The following COL23A1 variants were observed in gnomAD, a reference collection of about 807,000 sequenced individuals.
COL23A1 encodes collagen type XXIII alpha 1 chain.
In COL23A1, 97 loss-of-function variants were observed where a neutral mutation model predicts 99.3. That is an observed-to-expected ratio of 0.98 (90% confidence interval 0.83 to 1.16). COL23A1 has a LOEUF of 1.16. COL23A1 is among the 50% of genes most tolerant of loss of function. The probability of loss-of-function intolerance (pLI) is 0.00; values close to 1 mark genes in which losing one functional copy is unlikely to be tolerated. For synonymous variants in COL23A1, 320 were observed against 308.2 expected (o/e 1.04, Z -0.40); for missense variants, 762 against 757.4 (o/e 1.01, Z -0.07).
At chr5:178,253,557 A>C (rs1186278327) in intron 16 of COL23A1, among the ~76,000 whole-genome samples, 1 of 151,548 alleles carries the variant, frequency 6.6e-6, no homozygotes, top group Non-Finnish European at 1.5e-5. Flanking sequence ...ATCTCAGTTC[A>C]CCACAACCTC....
rs114117312 is a variant in COL23A1 at position 178,379,144 on chromosome 5, T to A, written c.362-72225A>T. Among the ~76,000 whole-genome samples, 861 of 152,170 alleles carry A rather than the reference T, an allele frequency of 5.7e-3. 6 individuals carry two copies. The highest frequency in any genetic ancestry group is 0.02 in the African/African-American group (819 of 41,480). ...GGGTTTGGCTAACAGATTGTGAACC[T>A]GCACTAGAGAAATTTGATTAAATTA... On this transcript the variant is annotated intron_variant, in intron 2 of 28. Transcript: ENST00000390654.
intron 2 of COL23A1, among the ~76,000 whole-genome samples, chr5:178,343,650 A>ATT (rs199882837): frequency 0.011 from 761 of 68,420 alleles, 5 homozygotes; most frequent in Middle Eastern, 0.021. Flanking sequence ...GAATTTTTCC[A>ATT]TTATATATAT....
Position 178,288,363 on chromosome 5 carries a change from A to G in COL23A1, c.415-13T>C, listed in dbSNP as rs201358109. ...GTCCTGATTGCCCCTGTGGTAATTA[A>G]TATGTCATTAATAATCAGAGTTTCG... On this transcript the variant is annotated splice_polypyrimidine_tract_variant and intron_variant, in intron 4 of 28. Coordinates refer to ENST00000390654, the MANE Select transcript of COL23A1 (RefSeq NM_173465.4). The G allele has an allele frequency of 3.7e-6, 6 of 1,610,254 alleles. No individual in the cohort carries two copies. The highest frequency in any genetic ancestry group is 3.3e-5 in the Admixed American group (2 of 60,016).
intron 2 of COL23A1, among the ~76,000 whole-genome samples, chr5:178,523,161 TAC>T (rs1163906975): frequency 3.5e-4 from 32 of 90,844 alleles, no homozygotes; most frequent in African/African-American, 1.0e-3. Context: ...TATATATATA[TAC>T]ATATATATAT....
Position 178,365,140 on chromosome 5 carries a change from T to TGTGTGTGG in COL23A1, c.362-58222_362-58221insCCACACAC, listed in dbSNP as rs1762397781. Among the ~76,000 whole-genome samples the TGTGTGTGG allele has an allele frequency of 2.7e-5, 1 of 36,528 alleles. No homozygotes were observed. The allele number at this position is 36,528 out of a possible 152,430, so 24.0% of individuals were successfully genotyped here. A position where few individuals can be genotyped will look rare whatever the true frequency, so the allele number is the denominator to read the frequency against. ...TTTATGATGTTGCTGTGTGTGCGTG[T>TGTGTGTGG]GTGTGTGTGTGTGTGTGTGTGTGTG... On this transcript the variant is annotated intron_variant, in intron 2 of 28. Transcript: ENST00000390654. The surrounding 1 kb of genome is among the most constrained non-coding windows in gnomAD (Gnocchi z 5.2).
intron 2 of COL23A1, among the ~76,000 whole-genome samples, chr5:178,405,242 G>A (rs921024901): frequency 1.3e-5 from 2 of 152,202 alleles, no homozygotes; most frequent in East Asian, 1.9e-4. Flanking sequence ...CCACCCTGAC[G>A]TTTCTGCCTT....
intron 1 of COL23A1, among the ~76,000 whole-genome samples, chr5:178,560,987 G>A (rs575948028): frequency 6.6e-6 from 1 of 152,310 alleles, no homozygotes; most frequent in Non-Finnish European, 1.5e-5. Context: ...GCAGGTTTCT[G>A]CTTTGTTACA....
chr5:178,332,663 C>T (rs182091498), intron 2 of COL23A1, among the ~76,000 whole-genome samples: 2 of 152,178 alleles, frequency 1.3e-5, no homozygotes, highest in African/African-American at 4.8e-5. Flanking sequence ...CAAGGCAGCC[C>T]ACTTGGTCTA....
At chr5:178,349,636 T>G (rs901753913) in intron 2 of COL23A1, among the ~76,000 whole-genome samples, 1 of 151,826 alleles carries the variant, frequency 6.6e-6, no homozygotes, top group African/African-American at 2.4e-5. Context: ...AGGCTTTCCT[T>G]TTTTTTTGTC....
intron 2 of COL23A1, among the ~76,000 whole-genome samples, chr5:178,533,669 T>TAATACAAAA (rs1760776552): frequency 6.6e-6 from 1 of 152,130 alleles, no homozygotes; most frequent in Non-Finnish European, 1.5e-5. Context: ...GGCTAATTTT[T>TAATACAAAA]GTATTTTTTA....
At chr5:178,294,705 G>T (rs1757650898) in intron 3 of COL23A1, among the ~76,000 whole-genome samples, 1 of 152,204 alleles carries the variant, frequency 6.6e-6, no homozygotes, top group South Asian at 2.1e-4. Flanking sequence ...AGAAGAAAAT[G>T]TGGGAACATT....
chr5:178,525,050 CG>C (rs1760235770), intron 2 of COL23A1, among the ~76,000 whole-genome samples: 1 of 151,014 alleles, frequency 6.6e-6, no homozygotes, highest in Non-Finnish European at 1.5e-5. Flanking sequence ...TAAGAAATGG[CG>C]ACACAGCGCG....
chr5:178,440,433 G>A (rs113339284), intron 2 of COL23A1, among the ~76,000 whole-genome samples: 20 of 152,258 alleles, frequency 1.3e-4, no homozygotes, highest in Middle Eastern at 3.4e-3. Context: ...CTGCACCACC[G>A]CTAGGATAAT....
At chr5:178,367,635 C>T (rs1290346431) in intron 2 of COL23A1, among the ~76,000 whole-genome samples, 2 of 152,198 alleles carry the variant, frequency 1.3e-5, no homozygotes, top group African/African-American at 4.8e-5. Context: ...CAAGGACGAG[C>T]AGGCTGCAGA....
intron 2 of COL23A1, among the ~76,000 whole-genome samples, chr5:178,323,973 G>A (rs570111301): frequency 6.6e-6 from 1 of 152,298 alleles, no homozygotes; most frequent in Non-Finnish European, 1.5e-5. Flanking sequence ...CAATTCCAAA[G>A]CACTTGCCTT....
chr5:178,273,372 G>A (rs1344113468), intron 5 of COL23A1, among the ~76,000 whole-genome samples: 2 of 152,230 alleles, frequency 1.3e-5, no homozygotes, highest in Non-Finnish European at 2.9e-5. Context: ...CACTGATGGC[G>A]CAGCCTTTGG....
At chr5:178,403,242 C>CT (rs1485269534) in intron 2 of COL23A1, among the ~76,000 whole-genome samples, 6 of 152,028 alleles carry the variant, frequency 3.9e-5, no homozygotes, top group South Asian at 2.1e-4. Flanking sequence ...TCATTTAATC[C>CT]TTACATTAGC....
intron 2 of COL23A1, among the ~76,000 whole-genome samples, chr5:178,509,220 C>CT (rs1191597203): frequency 1.2e-3 from 160 of 134,418 alleles, no homozygotes; most frequent in South Asian, 2.2e-3. Context: ...AACCTGCATT[C>CT]TTTTTTTTTT....
At chr5:178,513,058 T>G (rs1759297314) in intron 2 of COL23A1, among the ~76,000 whole-genome samples, 1 of 152,162 alleles carries the variant, frequency 6.6e-6, no homozygotes, top group Admixed American at 6.5e-5. Context: ...GGGCTCAAGC[T>G]GCAGGGAACA....
Sources: gnomAD v4.1 joint callset for allele counts (sites outside exome capture counted in the v4.1 genomes callset) on GRCh38, gnomAD v4.1.1 for gene constraint, Gnocchi (gnomAD v3.1) non-coding constraint, MANE v1.5 for transcripts, NCBI Gene and HGNC (gene_info 2026-07-23, HGNC 2026-07-21) for gene names.